The following SRCAP variants were observed in gnomAD, a reference collection of about 807,000 sequenced individuals.
The protein encoded by SRCAP is Snf2 related CREBBP activator protein.
In SRCAP, 46 loss-of-function variants were observed where a neutral mutation model predicts 263.1. That is an observed-to-expected ratio of 0.17 (90% confidence interval 0.14 to 0.22). The LOEUF is 0.22. Ranked by LOEUF, SRCAP falls within the 10% of genes least tolerant of loss-of-function variation. SRCAP has a pLI of 1.00. For synonymous variants in SRCAP, 1,813 were observed against 1,662.1 expected (o/e 1.09, Z -2.21); for missense variants, 3,695 against 4,181.9 (o/e 0.88, Z 3.21).
intron 4 of SRCAP, among the ~76,000 whole-genome samples, chr16:30,704,781 G>A (rs1033219866): frequency 2.0e-5 from 3 of 152,180 alleles, no homozygotes; most frequent in African/African-American, 7.2e-5. Context: ...GGTCAGGGCT[G>A]CAGTGAGCCA....
At chr16:30,709,346 C>T (rs765787775) in intron 6 of SRCAP, among the ~76,000 whole-genome samples, 167 bp from the exon 7 acceptor site, 31 of 152,082 alleles carry the variant, frequency 2.0e-4, no homozygotes, top group Non-Finnish European at 1.5e-5. Context: ...CCTGCATGCT[C>T]CCTTTGTGCT....
chr16:30,727,280 A>G (rs2053073006), intron 25 of SRCAP, among the ~76,000 whole-genome samples: 1 of 152,232 alleles, frequency 6.6e-6, no homozygotes, highest in Admixed American at 6.5e-5. Flanking sequence ...GTATCTTTGA[A>G]GAACTATCTG....
At position 30,723,118 on chromosome 16, in the gene SRCAP, C is replaced by G. The variant is rs552415477; in HGVS notation, c.4048C>G (p.Pro1350Ala). ...GTTGAATCCACGCCCCACGTTAACC[C>G]CTGGCCGGCTACCCACACCTACTCT... ...AVLNPRPTLT[P>A]GRLPTPTLGT... is the part of the protein sequence containing the mutation. Residue 1350 changes from proline (P) to alanine (A), a missense_variant, in exon 24 of 34, where the codon CCT (proline) becomes GCT (alanine). By Grantham distance (27) the Pro-to-Ala change is conservative. Transcript: ENST00000262518. The G allele has an allele frequency of 2.5e-6, 4 of 1,614,096 alleles. No homozygotes were observed. Among genetic ancestry groups the G allele is most frequent in the Non-Finnish European group, 3.4e-6 (4 of 1,180,020 alleles).
rs772406427 is a variant in SRCAP at position 30,737,087 on chromosome 16, C to T, written c.7047C>T (p.Ala2349=). The T allele has an allele frequency of 2.1e-5, 34 of 1,608,916 alleles. No individual in the cohort carries two copies. The highest frequency in any genetic ancestry group is 4.5e-5 in the East Asian group (2 of 44,816). ...VEAARKDLDQ[A]KEEVFRLPQE... is the part of the protein sequence containing the mutation. ...CTGCCCGCAAAGACCTGGACCAAGCCAAGGAGGAGGTGTTCCGCCTACCCC... is the reference window on the plus strand; with the variant it reads ...CTGCCCGCAAAGACCTGGACCAAGCTAAGGAGGAGGTGTTCCGCCTACCCC... The change falls in exon 34 of 34, where the codon GCC becomes GCT. Residue 2349 remains alanine, a synonymous_variant. Transcript: ENST00000262518.
chr16:30,699,557 C>T (rs1018574683), intron 1 of SRCAP, among the ~76,000 whole-genome samples: 1 of 152,142 alleles, frequency 6.6e-6, no homozygotes, highest in Non-Finnish European at 1.5e-5. Context: ...GAGTTCCACT[C>T]TCACTTCTGC....
Position 30,736,379 on chromosome 16 carries a change from T to C in SRCAP, c.6909T>C (p.Ala2303=). ...TGTCCCGGGCTGAGCAGGAAATTGC[T>C]GCCCTCGTAGAACAGGTCAGTGCTG... ...EEMSRAEQEI[A]ALVEQLTPIE... Residue 2303 remains alanine, a synonymous_variant, in exon 32 of 34, where the codon GCT becomes GCC. Coordinates refer to ENST00000262518, the MANE Select transcript of SRCAP (RefSeq NM_006662.3). 1.2e-6 allele frequency: 2 copies of C among 1,612,878 alleles called. No homozygotes were observed. Among genetic ancestry groups the C allele is most frequent in the African/African-American group, 1.3e-5 (1 of 75,008 alleles).
rs760721561 is a variant in SRCAP, at chr16:30,738,059, C to T, written c.8019C>T (p.Thr2673=). The change falls in exon 34 of 34, where the codon ACC becomes ACT. Residue 2673 remains threonine (T), a synonymous_variant. Coordinates refer to ENST00000262518, the MANE Select transcript of SRCAP (RefSeq NM_006662.3). ...PLQEPLEADR[T]SEELTEAKTP... The stretch of plus-strand genomic sequence containing the variant: ...AGGAGCCACTGGAGGCTGACAGGAC[C>T]TCGGAAGAGCTGACAGAGGCCAAGA... The T allele has an allele frequency of 1.2e-6, 2 of 1,614,132 alleles. No individual in the cohort carries two copies. The highest frequency in any genetic ancestry group is 2.2e-5 in the South Asian group (2 of 91,086).
At chr16:30,722,488 CT>C in intron 22 of SRCAP, 74 bp from the exon 23 acceptor site, 1 of 1,562,796 alleles carries the variant, frequency 6.4e-7, no homozygotes. Context: ...TTCTTTTCTT[CT>C]CTTCTTGCCT....
At chr16:30,699,287 C>A in intron 1 of SRCAP, 45 bp downstream of exon 1, 1 of 398,464 alleles carries the variant, frequency 2.5e-6, no homozygotes, top group South Asian at 1.3e-4. Context: ...GGGAGTGAAT[C>A]AAAGCCGGCA....
intron 4 of SRCAP, among the ~76,000 whole-genome samples, chr16:30,706,291 A>G (rs2052826600): frequency 6.6e-6 from 1 of 152,112 alleles, no homozygotes; most frequent in Admixed American, 6.6e-5. Flanking sequence ...CCTCGCCCCT[A>G]CGAAAAATAC....
At chr16:30,730,640 C>G (rs904685558) in intron 27 of SRCAP, among the ~76,000 whole-genome samples, 3 of 151,930 alleles carry the variant, frequency 2.0e-5, no homozygotes, top group African/African-American at 7.3e-5. Flanking sequence ...CCATGTTGGT[C>G]AGGCTGGTCT....
chr16:30,734,215 C>T lies in SRCAP; in HGVS notation c.6609+207C>T, dbSNP rs375224332. On this transcript the variant is annotated intron_variant, in intron 30 of 33. Coordinates refer to ENST00000262518, the MANE Select transcript of SRCAP (RefSeq NM_006662.3). Reference sequence around the variant, plus strand: ...AAAATTAGCCGGGCATGGTGGTGGGCGCCTGTAATCCCAGCTGCTTGGAAG... The same window carrying T: ...AAAATTAGCCGGGCATGGTGGTGGGTGCCTGTAATCCCAGCTGCTTGGAAG... The T allele has an allele frequency of 5.1e-4, 313 of 615,194 alleles. 8 individuals are homozygous for T. The highest frequency in any genetic ancestry group is 4.4e-3 in the African/African-American group (237 of 53,762). The allele number at this position is 615,194 out of a possible 1,614,324, so 38.1% of individuals were successfully genotyped here. A position where few individuals can be genotyped will look rare whatever the true frequency, so the allele number is the denominator to read the frequency against.
In SRCAP at chr16:30,734,501, C is replaced by T. The variant is rs760695401; in HGVS notation, c.6615C>T (p.Thr2205=). Residue 2205 remains threonine, a synonymous_variant, in exon 31 of 34, where the codon ACC becomes ACT. Coordinates refer to ENST00000262518, the MANE Select transcript of SRCAP (RefSeq NM_006662.3). ...NFTTAYFKQQ[T]IRELFDMPLE... is the part of the protein sequence containing the mutation. ...CCCTCTGTTCTATCCGATAGCAGAC[C>T]ATCCGAGAGCTGTTTGATATGCCCC... 3 of 1,613,838 alleles carry T rather than the reference C, an allele frequency of 1.9e-6. No homozygotes were observed. Among genetic ancestry groups the T allele is most frequent in the African/African-American group, 1.3e-5 (1 of 74,892 alleles).
At chr16:30,728,431 C>T (rs2053083083) in intron 25 of SRCAP, among the ~76,000 whole-genome samples, 1 of 152,208 alleles carries the variant, frequency 6.6e-6, no homozygotes, top group African/African-American at 2.4e-5. Context: ...GGTGTCCTCA[C>T]TGCCGGGTTG....
chr16:30,723,545 A>T, intron 24 of SRCAP, 39 bp from the exon 25 acceptor site: 1 of 1,578,940 alleles, frequency 6.3e-7, no homozygotes, highest in Non-Finnish European at 8.6e-7. Context: ...AAGGCTCAGG[A>T]AAAGAATTCT....
intron 25 of SRCAP, chr16:30,726,323 A>AT (rs1040183032): frequency 5.9e-5 from 9 of 152,186 alleles, no homozygotes; most frequent in African/African-American, 1.2e-4. Context: ...TGCTGTGAAC[A>AT]TTTCATGTAC....
intron 16 of SRCAP, among the ~76,000 whole-genome samples, chr16:30,714,371 G>A (rs544589283): frequency 5.3e-5 from 8 of 151,034 alleles, no homozygotes; most frequent in Non-Finnish European, 1.0e-4. Context: ...GCCTACGCCC[G>A]GCTAATTTTT....
chr16:30,701,188 C>G, intron 3 of SRCAP: 1 of 310,464 alleles, frequency 3.2e-6, no homozygotes, highest in Non-Finnish European at 6.4e-6. Context: ...TCTATCAGTA[C>G]TGGAGTAGGA....
intron 19 of SRCAP, 43 bp from the exon 20 acceptor site, chr16:30,720,670 T>C: frequency 2.6e-6 from 4 of 1,531,078 alleles, no homozygotes; most frequent in Non-Finnish European, 3.5e-6. Context: ...CTACCCCTTA[T>C]TCTCCTTCTG....
Sources: allele counts gnomAD v4.1 joint callset (sites outside exome capture counted in the v4.1 genomes callset), GRCh38; gene constraint gnomAD v4.1.1; transcripts MANE v1.5; gene names NCBI Gene and HGNC (gene_info 2026-07-23, HGNC 2026-07-21).